Variants in NRG1 observed in about 807,000 individuals in gnomAD.
NRG1 encodes the protein pro-neuregulin-1, membrane-bound isoform.
A neutral mutation model predicts 63.8 loss-of-function variants in NRG1; 18 were observed. The ratio of observed to expected loss-of-function variants is 0.28; its 90% confidence interval spans 0.19 to 0.42. The LOEUF (loss-of-function observed/expected upper bound fraction) is 0.42, where lower values mean the gene tolerates loss of function less well. Among genes scored for constraint, NRG1 ranks in the 10% least tolerant of loss-of-function variants. NRG1 has a pLI of 1.00. For synonymous variants in NRG1, 302 were observed against 301.3 expected (o/e 1.00, Z -0.02); for missense variants, 762 against 814.7 (o/e 0.94, Z 0.79).
intron 1 of NRG1, among the ~76,000 whole-genome samples, chr8:31,779,570 A>C (rs1328937863): frequency 1.2e-4 from 18 of 152,226 alleles, no homozygotes; most frequent in Admixed American, 1.2e-3. Context: ...GTTGCTTTTA[A>C]ACTTCTGGTC....
intron 1 of NRG1, among the ~76,000 whole-genome samples, chr8:32,549,115 C>T (rs542238874): frequency 1.1e-4 from 16 of 152,320 alleles, no homozygotes; most frequent in Admixed American, 8.5e-4. Flanking sequence ...CACGGCCCCT[C>T]CCCAGCGCCT....
intron 1 of NRG1, among the ~76,000 whole-genome samples, chr8:31,842,291 A>T (rs1826270254): frequency 6.6e-6 from 1 of 152,168 alleles, no homozygotes; most frequent in South Asian, 2.1e-4. Context: ...ATTTGCTTAT[A>T]TGTGTCATAT....
In NRG1 at chr8:31,640,367, C is replaced by T. The variant is rs1425350888; in HGVS notation, c.37+936C>T. ...GCGGGCCCACGGGCGCTGGGGCCGC[C>T]CGCCGAGGAGCCGCTGCTCGCCGCC... is the stretch of plus-strand genomic sequence containing the variant. On this transcript the variant is annotated intron_variant, in intron 1 of 10. Coordinates refer to the NRG1 transcript ENST00000519301. The surrounding 1 kb of genome is among the most constrained non-coding windows in gnomAD (Gnocchi z 6.3). The T allele has an allele frequency of 7.1e-6, 9 of 1,259,810 alleles. No individual in the cohort carries two copies. In the East Asian group the frequency reaches 2.6e-4, roughly 36 times the overall value. 78.0% of individuals were successfully genotyped at this position (1,259,810 alleles called of 1,614,324 possible). A position where few individuals can be genotyped will look rare whatever the true frequency, so the allele number is the denominator to read the frequency against.
intron 1 of NRG1, among the ~76,000 whole-genome samples, chr8:32,092,311 G>A (rs961562559): frequency 2.0e-5 from 3 of 151,634 alleles, no homozygotes; most frequent in African/African-American, 7.3e-5. Context: ...GAAAAACTTA[G>A]CTGGGCCTGG....
intron 1 of NRG1, among the ~76,000 whole-genome samples, chr8:31,991,761 C>T (rs947586555): frequency 6.6e-6 from 1 of 151,818 alleles, no homozygotes; most frequent in Non-Finnish European, 1.5e-5. Context: ...TTCTTTCCTT[C>T]TCCCTCCTCC....
chr8:31,985,201 G>T (rs1283032481), intron 1 of NRG1, among the ~76,000 whole-genome samples: 1 of 152,058 alleles, frequency 6.6e-6, no homozygotes, highest in African/African-American at 2.4e-5. Flanking sequence ...AGAAAATAAG[G>T]AGAAAAAGGA....
chr8:32,037,768 C>T lies in NRG1; in HGVS notation c.37+398337C>T, dbSNP rs370781290. Reference sequence around the variant, plus strand: ...GCTCCCGTTCCAAACTGCCCAGTCTCGCTGGCACCTGCAGCAGGGAAAAAC... The same window carrying T: ...GCTCCCGTTCCAAACTGCCCAGTCTTGCTGGCACCTGCAGCAGGGAAAAAC... On this transcript the variant is annotated intron_variant, in intron 1 of 10. Coordinates refer to the NRG1 transcript ENST00000519301. Among the ~76,000 whole-genome samples the T allele has an allele frequency of 1.0e-3, 154 of 152,302 alleles. 1 individual carries two copies. The highest frequency in any genetic ancestry group is 3.5e-3 in the African/African-American group (144 of 41,584).
At chr8:32,344,602 ATTTTTTT>A (rs61448713) in intron 1 of NRG1, among the ~76,000 whole-genome samples, 43,011 of 102,184 alleles carry the variant, frequency 0.42, 6,363 homozygotes, top group South Asian at 0.48. Context: ...ACACTCAGCT[ATTTTTTT>A]TTTTTTTTTT....
intron 1 of NRG1, among the ~76,000 whole-genome samples, chr8:31,682,110 T>A (rs1217211442): frequency 1.3e-5 from 2 of 152,052 alleles, no homozygotes; most frequent in East Asian, 1.9e-4. Context: ...TGCCTATTCA[T>A]CCCTCTCTTC....
chr8:32,111,422 G>C (rs887249131), intron 1 of NRG1, among the ~76,000 whole-genome samples: 15 of 152,072 alleles, frequency 9.9e-5, no homozygotes, highest in African/African-American at 3.6e-4. Flanking sequence ...CGGACTTGCT[G>C]TAAGCTATCT....
chr8:32,396,891 C>T (rs1158082012), intron 1 of NRG1, among the ~76,000 whole-genome samples: 2 of 152,168 alleles, frequency 1.3e-5, no homozygotes, highest in African/African-American at 4.8e-5. Flanking sequence ...CCTTTAATGT[C>T]CACATTTCTA....
At chr8:31,999,150 A>C (rs929211518) in intron 1 of NRG1, among the ~76,000 whole-genome samples, 1 of 152,018 alleles carries the variant, frequency 6.6e-6, no homozygotes, top group Non-Finnish European at 1.5e-5. Flanking sequence ...TTCCAATGGA[A>C]ATTGACTAAT....
chr8:32,464,286 C>CCCG (rs1563499715), intron 1 of NRG1, among the ~76,000 whole-genome samples: 1 of 134,340 alleles, frequency 7.4e-6, no homozygotes, highest in African/African-American at 2.8e-5. Context: ...CCCACCCCCC[C>CCCG]CCACCCCACC....
chr8:32,671,835 C>T (rs1185455471), intron 5 of NRG1, among the ~76,000 whole-genome samples: 1 of 152,074 alleles, frequency 6.6e-6, no homozygotes, highest in African/African-American at 2.4e-5. Flanking sequence ...ACTAATGTGA[C>T]ATAAACATAT....
chr8:32,269,503 C>T (rs1851330046), intron 1 of NRG1, among the ~76,000 whole-genome samples: 1 of 152,150 alleles, frequency 6.6e-6, no homozygotes, highest in African/African-American at 2.4e-5. Context: ...CACATTCTGT[C>T]TCACCACAGT....
Position 31,668,972 on chromosome 8 carries a change from G to A in NRG1, c.37+29541G>A, listed in dbSNP as rs1314031716. 2.0e-5 allele frequency among the ~76,000 whole-genome samples: 3 copies of A among 152,262 alleles called. No homozygotes were observed. The East Asian group carries it at 5.8e-4, about 30-fold the overall frequency. ...ATACATAATGAGATATAGAGGGGAC[G>A]TGATCTGAGTCTAAACATGAAGTTC... On this transcript the variant is annotated intron_variant, in intron 1 of 10. Coordinates refer to the NRG1 transcript ENST00000519301.
chr8:31,942,675 T>C (rs1801929939), intron 1 of NRG1, among the ~76,000 whole-genome samples: 1 of 151,742 alleles, frequency 6.6e-6, no homozygotes, highest in Non-Finnish European at 1.5e-5. Flanking sequence ...CTACAAAGAA[T>C]TGAAGCAAAT....
At chr8:31,857,144 G>T (rs2129609890) in intron 1 of NRG1, among the ~76,000 whole-genome samples, 1 of 152,362 alleles carries the variant, frequency 6.6e-6, no homozygotes, top group East Asian at 1.9e-4. Flanking sequence ...GCTCCACCCA[G>T]TTCCAGCTTC....
At chr8:32,262,457 G>A (rs985738726) in intron 1 of NRG1, among the ~76,000 whole-genome samples, 7 of 152,170 alleles carry the variant, frequency 4.6e-5, no homozygotes, top group African/African-American at 1.7e-4. Flanking sequence ...TAGCGGTTTT[G>A]TAGATGCTTT....
Sources: gnomAD v4.1 joint callset for allele counts (sites outside exome capture counted in the v4.1 genomes callset) on GRCh38, gnomAD v4.1.1 for gene constraint, Gnocchi (gnomAD v3.1) non-coding constraint, MANE v1.5 for transcripts, NCBI Gene and HGNC (gene_info 2026-07-23, HGNC 2026-07-21) for gene names.